Variants in CACNA1A observed in about 807,000 individuals in gnomAD.
CACNA1A encodes calcium voltage-gated channel subunit alpha1 A, also known as voltage-dependent P/Q-type calcium channel subunit alpha-1A.
CACNA1A carries 57 observed loss-of-function variants against 262.4 expected under a neutral mutation model. That is an observed-to-expected ratio of 0.22 (90% CI 0.18 to 0.27). The LOEUF is 0.27. Ranked by LOEUF, CACNA1A falls within the 10% of genes least tolerant of loss-of-function variation. The probability of loss-of-function intolerance (pLI) is 1.00; values close to 1 mark genes in which losing one functional copy is unlikely to be tolerated. For synonymous variants in CACNA1A, 1,431 were observed against 1,419.3 expected, an observed-to-expected ratio of 1.01 and a Z score of -0.18; for missense variants, 2,526 against 3,562.8, an observed-to-expected ratio of 0.71 and a Z score of 7.41.
chr19:13,266,665 C>T (rs942471606), intron 24 of CACNA1A, among the ~76,000 whole-genome samples: 1 of 152,142 alleles, frequency 6.6e-6, no homozygotes, highest in African/African-American at 2.4e-5. Context: ...CCTCCACCTC[C>T]CAGGTTTAAG....
intron 3 of CACNA1A, among the ~76,000 whole-genome samples, chr19:13,433,437 G>A (rs375238223): frequency 4.8e-5 from 6 of 123,812 alleles, no homozygotes; most frequent in African/African-American, 6.3e-5. Flanking sequence ...CTCCAGCCTC[G>A]GCAACAAAGC....
chr19:13,413,903 GAAAGAA>G (rs1555783350), intron 3 of CACNA1A, among the ~76,000 whole-genome samples: 3 of 59,268 alleles, frequency 5.1e-5, no homozygotes, highest in African/African-American at 9.5e-5. Flanking sequence ...GAAAAAGAAA[GAAAGAA>G]AGAAAGAAAG....
intron 3 of CACNA1A, among the ~76,000 whole-genome samples, chr19:13,424,224 C>T (rs2060362857): frequency 6.6e-6 from 1 of 152,032 alleles, no homozygotes; most frequent in African/African-American, 2.4e-5. Flanking sequence ...AACAAAACAG[C>T]TAGGAGTGGT....
chr19:13,451,919 A>G (rs564798764), intron 3 of CACNA1A: 2 of 152,184 alleles, frequency 1.3e-5, no homozygotes, highest in Admixed American at 1.3e-4. Flanking sequence ...TTGGATGATC[A>G]TAGCTCACTG....
At chr19:13,408,807 G>A (rs1470427633) in intron 3 of CACNA1A, among the ~76,000 whole-genome samples, 2 of 152,238 alleles carry the variant, frequency 1.3e-5, no homozygotes, top group Non-Finnish European at 2.9e-5. Context: ...AGGGGACTGT[G>A]TACTGAAGGA....
chr19:13,208,043 G>A lies in CACNA1A; in HGVS notation c.6791C>T (p.Ser2264Phe), dbSNP rs1267795318. The A allele has an allele frequency of 2.3e-6, 3 of 1,296,258 alleles. No individual in the cohort carries two copies. Among genetic ancestry groups the A allele is most frequent in the Admixed American group, 4.1e-5 (1 of 24,184 alleles). 80.3% of individuals were successfully genotyped at this position (1,296,258 alleles called of 1,614,324 possible). ...EHMAHRQGSS[S>F]VSGSPAPSTS... is the part of the protein sequence containing the mutation. ...TGAGGGGGCTGGGCTTCCACTTACG[G>A]AACTACTGCCCTACACGAAAATTGA... The change falls in exon 47 of 47, where the codon TCC (serine) becomes TTC (phenylalanine). Residue 2264 changes from serine to phenylalanine, a missense_variant. Physicochemically the swap from Ser to Phe is radical, Grantham distance 155. Coordinates refer to ENST00000360228, the MANE Select transcript of CACNA1A (RefSeq NM_001127222.2).
intron 22 of CACNA1A, among the ~76,000 whole-genome samples, chr19:13,278,166 G>T (rs1188688092): frequency 1.3e-5 from 2 of 151,150 alleles, no homozygotes; most frequent in African/African-American, 2.4e-5. Context: ...AGGGCGCTGT[G>T]AACACCAAAG....
chr19:13,240,360 C>G lies in CACNA1A; in HGVS notation c.4951-4630G>C, dbSNP rs1280374663. On this transcript the variant is annotated intron_variant, in intron 31 of 46. Coordinates refer to ENST00000360228, the MANE Select transcript of CACNA1A (RefSeq NM_001127222.2). ...GACTGTGTGTGCATGCATAGTGGCT[C>G]TGTGTGCAGTGACTGTGTGTGCAGT... 3.3e-5 allele frequency among the ~76,000 whole-genome samples: 5 copies of G among 150,884 alleles called. No homozygotes were observed. In the East Asian group the frequency reaches 7.9e-4, roughly 24 times the overall value.
At chr19:13,221,224 T>TTTCTTTTCTTTCTTTC in intron 38 of CACNA1A, among the ~76,000 whole-genome samples, 6 of 21,738 alleles carry the variant, frequency 2.8e-4, no homozygotes, top group African/African-American at 1.6e-3. Context: ...TTTCTTTTCT[T>TTTCTTTTCTTTCTTTC]TCTTTCTTTC....
intron 3 of CACNA1A, among the ~76,000 whole-genome samples, chr19:13,373,788 C>T (rs536489921): frequency 6.6e-6 from 1 of 152,206 alleles, no homozygotes; most frequent in African/African-American, 2.4e-5. Context: ...TTGGGCTGAC[C>T]TTTTCCACCA....
In CACNA1A at chr19:13,224,692, T is replaced by C. The variant is rs1434572084; in HGVS notation, c.5706A>G (p.Thr1902=). The C allele has an allele frequency of 3.1e-6, 5 of 1,612,522 alleles. No homozygotes were observed. Among genetic ancestry groups the C allele is most frequent in the Admixed American group, 1.7e-5 (1 of 59,818 alleles). The change falls in exon 38 of 47, where the codon ACA becomes ACG. Residue 1902 remains threonine (T), a synonymous_variant. Coordinates refer to ENST00000360228, the MANE Select transcript of CACNA1A (RefSeq NM_001127222.2). ...CCTTGGCAATCTTGATGTCCAGGGCTGTGCGGATCAGAGCCATGAGGGTGG... is the reference window on the plus strand; with the variant it reads ...CCTTGGCAATCTTGATGTCCAGGGCCGTGCGGATCAGAGCCATGAGGGTGG... ...FNSTLMALIR[T]ALDIKIAKGG...
At chr19:13,354,068 AC>A (rs2058962267) in intron 6 of CACNA1A, among the ~76,000 whole-genome samples, 1 of 152,144 alleles carries the variant, frequency 6.6e-6, no homozygotes, top group African/African-American at 2.4e-5. Context: ...GTCTCCAATC[AC>A]CTAATCATTG....
intron 1 of CACNA1A, among the ~76,000 whole-genome samples, chr19:13,490,637 A>AG (rs1245504566): frequency 2.0e-5 from 3 of 150,748 alleles, no homozygotes; most frequent in African/African-American, 4.9e-5. Context: ...AGAAAAGAAA[A>AG]GAAGGAAGGA....
chr19:13,379,715 GGAGTTCGA>G (rs1324398432), intron 3 of CACNA1A, among the ~76,000 whole-genome samples: 1 of 151,692 alleles, frequency 6.6e-6, no homozygotes, highest in East Asian at 1.9e-4. Flanking sequence ...CACAAGGTCA[GGAGTTCGA>G]GACCAGCCTG....
At chr19:13,251,419 C>T (rs8112892) in intron 30 of CACNA1A, among the ~76,000 whole-genome samples, 2 of 151,586 alleles carry the variant, frequency 1.3e-5, no homozygotes, top group Non-Finnish European at 2.9e-5. Flanking sequence ...GGGGGTGGAG[C>T]TTTCAGTGAG....
intron 4 of CACNA1A, among the ~76,000 whole-genome samples, chr19:13,367,294 CAAAAAAAAAAAAAAA>C (rs71168702): frequency 4.6e-5 from 3 of 64,796 alleles, no homozygotes; most frequent in African/African-American, 1.4e-4. Context: ...GACTCTGTCT[CAAAAAAAAAAAAAAA>C]AAAAAAAAAA....
intron 1 of CACNA1A, among the ~76,000 whole-genome samples, chr19:13,456,087 T>A (rs1482784653): frequency 6.7e-6 from 1 of 149,200 alleles, no homozygotes; most frequent in Non-Finnish European, 1.5e-5. Context: ...GAGGTGGAGG[T>A]TGCAGTGAGC....
chr19:13,447,045 G>T (rs1406402056), intron 3 of CACNA1A, among the ~76,000 whole-genome samples: 1 of 152,090 alleles, frequency 6.6e-6, no homozygotes, highest in African/African-American at 2.4e-5. Flanking sequence ...GACTACCAGA[G>T]AAATAAGAGC....
At chr19:13,384,211 C>A (rs1047928980) in intron 3 of CACNA1A, among the ~76,000 whole-genome samples, 1 of 152,096 alleles carries the variant, frequency 6.6e-6, no homozygotes, top group African/African-American at 2.4e-5. Flanking sequence ...TCTTTCATGG[C>A]CTAGTGAGTA....
Sources: gnomAD v4.1 joint callset for allele counts (sites outside exome capture counted in the v4.1 genomes callset) on GRCh38, gnomAD v4.1.1 for gene constraint, MANE v1.5 for transcripts, NCBI Gene and HGNC (gene_info 2026-07-23, HGNC 2026-07-21) for gene names.